Variants in ARNT observed in about 807,000 individuals in gnomAD.
ARNT encodes class E basic helix-loop-helix protein 2.
In ARNT, 30 loss-of-function variants were observed where a neutral mutation model predicts 105.0. That is an observed-to-expected ratio of 0.29 (90% CI 0.21 to 0.39). The LOEUF is 0.39. Among genes scored for constraint, ARNT ranks in the 10% least tolerant of loss-of-function variants. The probability of loss-of-function intolerance (pLI) is 1.00; values close to 1 mark genes in which losing one functional copy is unlikely to be tolerated. For synonymous variants in ARNT, 304 were observed against 344.0 expected, an observed-to-expected ratio of 0.88 and a Z score of 1.29; for missense variants, 748 against 978.7, an observed-to-expected ratio of 0.76 and a Z score of 3.15.
At chr1:150,861,276 C>A (rs751890561) in intron 1 of ARNT, 4 of 429,628 alleles carry the variant, frequency 9.3e-6, no homozygotes, top group Non-Finnish European at 1.4e-5. Flanking sequence ...GGGTCTGAGG[C>A]AGGAGAATCT....
chr1:150,846,471 G>C (rs1662230803), intron 3 of ARNT, among the ~76,000 whole-genome samples, 164 bp from the exon 4 acceptor site: 1 of 151,982 alleles, frequency 6.6e-6, no homozygotes, highest in South Asian at 2.1e-4. Context: ...GAACTTAAAA[G>C]ACCCACAACT....
At chr1:150,835,909 C>G (rs1660246687) in intron 7 of ARNT, among the ~76,000 whole-genome samples, 1 of 151,930 alleles carries the variant, frequency 6.6e-6, no homozygotes, top group Non-Finnish European at 1.5e-5. Context: ...TATCATTGAA[C>G]CTAGCACAAA....
rs12130202 is a variant in ARNT, at chr1:150,867,372, A to T, written c.26-8912T>A. ...CAGTGAGACCTCATTTCTATAAATT[A>T]AAAAAAAAAAAAACTATTCAAACAG... On this transcript the variant is annotated intron_variant, in intron 1 of 21. Transcript: ENST00000358595. 5.4e-3 allele frequency among the ~76,000 whole-genome samples: 760 copies of T among 142,028 alleles called. 4 individuals are homozygous for T. The highest frequency in any genetic ancestry group is 0.011 in the Middle Eastern group (3 of 270). 93.2% of individuals were successfully genotyped at this position (142,028 alleles called of 152,430 possible).
intron 6 of ARNT, among the ~76,000 whole-genome samples, chr1:150,838,645 T>C (rs912525216): frequency 6.6e-6 from 1 of 152,242 alleles, no homozygotes; most frequent in Non-Finnish European, 1.5e-5. Context: ...AATACTTGAT[T>C]GATACTGAAG....
At chr1:150,814,012 A>G in intron 20 of ARNT, 65 bp downstream of exon 20, 6 of 1,572,308 alleles carry the variant, frequency 3.8e-6, no homozygotes, top group Non-Finnish European at 5.2e-6. Context: ...AACAACTTTA[A>G]CTACCAAATC....
intron 14 of ARNT, among the ~76,000 whole-genome samples, chr1:150,822,556 C>T (rs982641349): frequency 6.6e-6 from 1 of 152,170 alleles, no homozygotes; most frequent in African/African-American, 2.4e-5. Context: ...GGTAGCCCAC[C>T]CAGAAAGGGT....
chr1:150,864,962 C>G (rs2102396412), intron 1 of ARNT, among the ~76,000 whole-genome samples: 1 of 148,620 alleles, frequency 6.7e-6, no homozygotes, highest in Admixed American at 6.7e-5. Flanking sequence ...GCTTTGAATG[C>G]CACGATGAAA....
At chr1:150,859,040 A>G (rs1015822827) in intron 1 of ARNT, among the ~76,000 whole-genome samples, 3 of 152,008 alleles carry the variant, frequency 2.0e-5, no homozygotes, top group Non-Finnish European at 2.9e-5. Context: ...TTATACATAC[A>G]TAACAATATA....
chr1:150,832,499 T>C (rs928217422), intron 8 of ARNT, 100 bp from the exon 9 acceptor site: 56 of 1,093,736 alleles, frequency 5.1e-5, no homozygotes, highest in Non-Finnish European at 7.2e-5. Flanking sequence ...CAACCAGACA[T>C]AGAAAATTGG....
In ARNT at chr1:150,823,321, G is replaced by A. The variant is rs746326566; in HGVS notation, c.1267C>T (p.Leu423=). Residue 423 remains leucine (L), a synonymous_variant, in exon 14 of 22, where the codon CTG becomes TTG. Coordinates refer to ENST00000358595, the MANE Select transcript of ARNT (RefSeq NM_001668.4). ...GACCGGAACCGGAACATGACAGACA[G>A]CACTTGGCCTTTTAATTTCACTACC... ...QQVVKLKGQV[L]SVMFRFRSKN... is the part of the protein sequence containing the mutation. 1.3e-5 allele frequency: 21 copies of A among 1,606,144 alleles called. No individual in the cohort carries two copies. The highest frequency in any genetic ancestry group is 1.6e-5 in the Non-Finnish European group (19 of 1,174,870).
chr1:150,849,268 A>AT lies in ARNT; in HGVS notation c.183-2962dup, dbSNP rs201311936. Among the ~76,000 whole-genome samples, 316 of 150,936 alleles carry AT rather than the reference A, an allele frequency of 2.1e-3. 5 individuals carry two copies. The highest frequency in any genetic ancestry group is 9.7e-3 in the East Asian group (50 of 5,130). ...ATCTGGGCACCCACACAATCAAATC[A>AT]TTTTTTTTTCATTGGGCTCCTTTAT... On this transcript the variant is annotated intron_variant, in intron 3 of 21. Transcript: ENST00000358595.
intron 1 of ARNT, among the ~76,000 whole-genome samples, chr1:150,874,018 TAAAAAAAAAA>T (rs58707975): frequency 1.4e-4 from 9 of 64,430 alleles, no homozygotes; most frequent in Admixed American, 8.0e-4. Context: ...ACAAGAATTG[TAAAAAAAAAA>T]AAAAAAAAAA....
At chr1:150,836,001 GA>G (rs954542438) in intron 7 of ARNT, among the ~76,000 whole-genome samples, 31 of 146,868 alleles carry the variant, frequency 2.1e-4, no homozygotes, top group Non-Finnish European at 4.2e-4. Context: ...TTTTAGAACG[GA>G]AAAAAAAAAG....
intron 19 of ARNT, among the ~76,000 whole-genome samples, chr1:150,815,328 C>G (rs941198243): frequency 6.6e-6 from 1 of 151,672 alleles, no homozygotes; most frequent in Non-Finnish European, 1.5e-5. Flanking sequence ...GAGGGCGGAT[C>G]ACGAGGTCAA....
intron 2 of ARNT, among the ~76,000 whole-genome samples, chr1:150,856,309 G>T (rs587678287): frequency 6.6e-6 from 1 of 152,028 alleles, no homozygotes; most frequent in South Asian, 2.1e-4. Flanking sequence ...GCATCATGGC[G>T]GGCGCCTGTA....
rs587631180 is a variant in ARNT, at chr1:150,861,835, G to A, written c.26-3375C>T. ...ATAGTGGGAAACCATTACAATTTCA[G>A]TGTAATGTACAGTGTTCTGTAAATT... is the stretch of plus-strand genomic sequence containing the variant. On this transcript the variant is annotated intron_variant, in intron 1 of 21. Coordinates refer to ENST00000358595, the MANE Select transcript of ARNT (RefSeq NM_001668.4). Among the ~76,000 whole-genome samples the A allele has an allele frequency of 5.3e-5, 8 of 152,266 alleles. No individual in the cohort carries two copies. The East Asian group carries it at 1.5e-3, about 29-fold the overall frequency.
intron 8 of ARNT, among the ~76,000 whole-genome samples, chr1:150,833,367 G>T (rs1659683040): frequency 6.6e-6 from 1 of 152,020 alleles, no homozygotes; most frequent in African/African-American, 2.4e-5. Context: ...GCCAGCTGTG[G>T]TGGCAATCCA....
At chr1:150,842,565 G>A in intron 4 of ARNT, 97 bp from the exon 5 acceptor site, 4 of 916,868 alleles carry the variant, frequency 4.4e-6, no homozygotes, top group Non-Finnish European at 6.7e-6. Context: ...GGGAGGGAGA[G>A]GAAATGGAGG....
intron 3 of ARNT, 89 bp downstream of exon 3, chr1:150,852,673 T>A: frequency 7.7e-7 from 1 of 1,297,904 alleles, no homozygotes; most frequent in Non-Finnish European, 1.1e-6. Flanking sequence ...TCCTTAGACC[T>A]AAGGACAAAA....
Sources: allele counts gnomAD v4.1 joint callset (sites outside exome capture counted in the v4.1 genomes callset), GRCh38; gene constraint gnomAD v4.1.1; transcripts MANE v1.5; gene names NCBI Gene and HGNC (gene_info 2026-07-23, HGNC 2026-07-21).